The following PAK3 variants were observed in gnomAD, a reference collection of about 807,000 sequenced individuals.
PAK3 encodes serine/threonine-protein kinase PAK 3.
PAK3 carries 4 observed loss-of-function variants against 41.0 expected under a neutral mutation model. That is an observed-to-expected ratio of 0.10 (90% CI 0.05 to 0.22). PAK3 has a LOEUF of 0.22. Among genes scored for constraint, PAK3 ranks in the 10% least tolerant of loss-of-function variants. PAK3 has a pLI of 1.00. For synonymous variants in PAK3, 146 were observed against 139.6 expected, an observed-to-expected ratio of 1.05 and a Z score of -0.32; for missense variants, 205 against 409.9, an observed-to-expected ratio of 0.50 and a Z score of 4.32.
chrX:111,172,736 T>A (rs2094359494), intron 10 of PAK3, among the ~76,000 whole-genome samples: 1 of 111,297 alleles, frequency 9.0e-6, no homozygotes, highest in Non-Finnish European at 1.9e-5. Context: ...AAGTTTTTTT[T>A]GTTTTCCAAA....
intron 1 of PAK3, among the ~76,000 whole-genome samples, chrX:111,018,296 C>T (rs896071219): frequency 9.0e-6 from 1 of 111,203 alleles, no homozygotes; most frequent in Non-Finnish European, 1.9e-5. Context: ...GAAAAAGTAA[C>T]ATTATCTCTC....
chrX:111,018,883 A>G (rs894845466), intron 1 of PAK3, among the ~76,000 whole-genome samples: 2 of 111,574 alleles, frequency 1.8e-5, no homozygotes, highest in Admixed American at 1.9e-4. Context: ...GCACTGTCAT[A>G]ATGACAGACA....
chrX:110,964,926 A>T (rs1254399421), intron 1 of PAK3, among the ~76,000 whole-genome samples: 2 of 111,141 alleles, frequency 1.8e-5, no homozygotes, highest in Non-Finnish European at 3.8e-5. Context: ...CTCCATTCTT[A>T]TGCTAACAAA....
intron 6 of PAK3, among the ~76,000 whole-genome samples, chrX:111,142,534 T>G (rs974150560): frequency 8.9e-6 from 1 of 111,994 alleles, no homozygotes; most frequent in Non-Finnish European, 1.9e-5. Context: ...AATCATCTAC[T>G]CACCTTGGCC....
intron 8 of PAK3, among the ~76,000 whole-genome samples, chrX:111,162,053 G>C (rs1207313506): frequency 9.0e-6 from 1 of 111,590 alleles, no homozygotes; most frequent in East Asian, 2.8e-4. Flanking sequence ...TCCACTTCCA[G>C]AGTTTCTGAT....
chrX:111,065,531 G>C (rs1236811699), intron 1 of PAK3, among the ~76,000 whole-genome samples: 1 of 110,933 alleles, frequency 9.0e-6, no homozygotes, highest in African/African-American at 3.3e-5. Flanking sequence ...TTGTTGTTCT[G>C]TCTTTGCTGG....
At chrX:111,117,803 G>A (rs780680739) in intron 4 of PAK3, among the ~76,000 whole-genome samples, 1 of 111,790 alleles carries the variant, frequency 8.9e-6, no homozygotes, top group Non-Finnish European at 1.9e-5. Flanking sequence ...ACGACTGAGG[G>A]GCTCTTACCC....
chrX:111,000,128 C>T (rs1447147745), intron 1 of PAK3, among the ~76,000 whole-genome samples: 5 of 110,854 alleles, frequency 4.5e-5, no homozygotes, highest in Admixed American at 9.6e-5. Context: ...ACCATATTAC[C>T]TTCCCCTTCT....
rs1269661194 is a variant in PAK3 at position 110,954,525 on chromosome X, A to G, written c.-28+9897A>G. ...GAATGGTTAAACAGAGTGTTCTACT[A>G]TTAAGGGCTTCCTGTGGTAATAAGA... is the stretch of plus-strand genomic sequence containing the variant. On this transcript the variant is annotated intron_variant, in intron 1 of 14. Coordinates refer to the PAK3 transcript ENST00000425146. Among the ~76,000 whole-genome samples the G allele has an allele frequency of 2.7e-5, 3 of 111,841 alleles. 1 individual carries two copies. The highest frequency in any genetic ancestry group is 1.9e-4 in the Admixed American group (2 of 10,556).
intron 1 of PAK3, among the ~76,000 whole-genome samples, chrX:111,061,667 T>G (rs957400362): frequency 3.6e-5 from 4 of 112,171 alleles, no homozygotes; most frequent in Non-Finnish European, 5.6e-5. Flanking sequence ...CGTAAAAACT[T>G]TAACCATTTT....
intron 1 of PAK3, among the ~76,000 whole-genome samples, chrX:111,025,421 A>G (rs1425699804): frequency 8.9e-6 from 1 of 112,059 alleles, no homozygotes; most frequent in Non-Finnish European, 1.9e-5. Flanking sequence ...ATAAGAGAGA[A>G]GATCCAAATA....
intron 10 of PAK3, among the ~76,000 whole-genome samples, chrX:111,167,139 A>C (rs779391710): frequency 9.0e-6 from 1 of 111,619 alleles, no homozygotes; most frequent in Non-Finnish European, 1.9e-5. Flanking sequence ...ATTTTTCAGC[A>C]TAAAAATGGG....
At chrX:111,131,942 C>T (rs764280732) in intron 5 of PAK3, among the ~76,000 whole-genome samples, 7 of 111,422 alleles carry the variant, frequency 6.3e-5, no homozygotes, top group Non-Finnish European at 9.4e-5. Context: ...GCACAGTGTG[C>T]TCTGTGACCC....
At chrX:111,001,157 G>T (rs985677832) in intron 1 of PAK3, among the ~76,000 whole-genome samples, 4 of 111,990 alleles carry the variant, frequency 3.6e-5, no homozygotes, top group South Asian at 3.7e-4. Context: ...TCAGTTTGCC[G>T]CATTCTGTGG....
intron 8 of PAK3, 144 bp downstream of exon 8, chrX:111,152,591 T>C (rs2094045111): frequency 2.2e-6 from 1 of 455,823 alleles, no homozygotes; most frequent in South Asian, 3.2e-5. Flanking sequence ...AATTCACCTA[T>C]TTTCAGGTAA....
chrX:111,021,374 A>C (rs1052923197), intron 1 of PAK3, among the ~76,000 whole-genome samples: 1 of 112,185 alleles, frequency 8.9e-6, no homozygotes, highest in Admixed American at 9.4e-5. Context: ...CTCTTTGCAG[A>C]AACTCCCCAG....
At chrX:111,017,422 A>C (rs1246046560) in intron 1 of PAK3, among the ~76,000 whole-genome samples, 1 of 111,782 alleles carries the variant, frequency 8.9e-6, no homozygotes, top group Non-Finnish European at 1.9e-5. Context: ...ATTACCAAAA[A>C]TGTTAAAGGA....
intron 16 of PAK3, among the ~76,000 whole-genome samples, chrX:111,199,264 C>T (rs1450058734): frequency 9.0e-6 from 1 of 111,650 alleles, no homozygotes; most frequent in Non-Finnish European, 1.9e-5. Flanking sequence ...ATCATATCAT[C>T]TGGGAAGAGA....
At chrX:111,175,154 G>A (rs2094391805) in intron 11 of PAK3, among the ~76,000 whole-genome samples, 1 of 111,360 alleles carries the variant, frequency 9.0e-6, no homozygotes, top group African/African-American at 3.3e-5. Context: ...TGAGTCTCAG[G>A]TGGAGCTAAC....
Sources: gnomAD v4.1 joint callset for allele counts (sites outside exome capture counted in the v4.1 genomes callset) on GRCh38, gnomAD v4.1.1 for gene constraint, MANE v1.5 for transcripts, NCBI Gene and HGNC (gene_info 2026-07-23, HGNC 2026-07-21) for gene names.